The following CDH23 variants were observed in gnomAD, a reference collection of about 807,000 sequenced individuals.
The protein encoded by CDH23 is cadherin-23.
A neutral mutation model predicts 317.1 loss-of-function variants in CDH23; 189 were observed. The observed-to-expected ratio is 0.60, with a 90% CI of 0.53 to 0.67. The LOEUF (loss-of-function observed/expected upper bound fraction) is 0.67, where lower values mean the gene tolerates loss of function less well. CDH23 is among the 30% of genes least tolerant of loss of function. The pLI, the probability that CDH23 is intolerant of heterozygous loss-of-function variation, is 0.00. For missense variants in CDH23, 4,401 were observed against 4,592.4 expected (o/e 0.96, Z 1.20); for synonymous variants, 1,839 against 1,876.8 (o/e 0.98, Z 0.52).
chr10:71,708,486 G>A (rs1232065754), intron 26 of CDH23, among the ~76,000 whole-genome samples: 1 of 152,188 alleles, frequency 6.6e-6, no homozygotes, highest in East Asian at 1.9e-4. Flanking sequence ...ACCGCGAGAG[G>A]AGACCCTCAC....
chr10:71,764,910 A>G (rs370622746), intron 38 of CDH23, among the ~76,000 whole-genome samples: 1 of 152,192 alleles, frequency 6.6e-6, no homozygotes, highest in Admixed American at 6.5e-5. Flanking sequence ...CTGCTAACCC[A>G]CTGCCCTTAC....
At position 71,793,467 on chromosome 10, in the gene CDH23, C is replaced by G. The variant is rs781425553; in HGVS notation, c.6539C>G (p.Thr2180Arg). Reference protein sequence around the residue: ...SRPEFLNPIQTVSVLESAEPG... With the variant: ...SRPEFLNPIQRVSVLESAEPG... ...CCCGAGTTCCTCAACCCCATCCAGACAGTGAGCGTGCTGGAGTCGGCTGAG... is the reference window on the plus strand; with the variant it reads ...CCCGAGTTCCTCAACCCCATCCAGAGAGTGAGCGTGCTGGAGTCGGCTGAG... Residue 2180 changes from threonine (T) to arginine (R), a missense_variant, in exon 48 of 70, where the codon ACA (threonine) becomes AGA (arginine). Transcript: ENST00000224721. The G allele has an allele frequency of 1.9e-6, 3 of 1,614,026 alleles. No homozygotes were observed. The highest frequency in any genetic ancestry group is 2.2e-5 in the South Asian group (2 of 91,084).
intron 1 of CDH23, among the ~76,000 whole-genome samples, chr10:71,403,499 TTCCTTC>T (rs1847951856): frequency 7.6e-6 from 1 of 131,182 alleles, no homozygotes; most frequent in Non-Finnish European, 1.6e-5. Flanking sequence ...CCTTCCTTCC[TTCCTTC>T]CTTTCTTTCC....
chr10:71,602,391 G>A (rs1451466792), intron 9 of CDH23, among the ~76,000 whole-genome samples: 1 of 152,188 alleles, frequency 6.6e-6, no homozygotes, highest in Admixed American at 6.5e-5. Context: ...TTTGGCAAGT[G>A]AGGAAACTGA....
chr10:71,672,058 A>T (rs1437645637), intron 14 of CDH23, among the ~76,000 whole-genome samples: 1 of 151,842 alleles, frequency 6.6e-6, no homozygotes, highest in African/African-American at 2.4e-5. Context: ...GTTGGGGGAG[A>T]CGCACGTTAA....
chr10:71,680,757 AAAAAAAG>A (rs1478240778), intron 17 of CDH23, among the ~76,000 whole-genome samples: 2 of 142,470 alleles, frequency 1.4e-5, no homozygotes, highest in Non-Finnish European at 3.0e-5. Flanking sequence ...AAAAAAAAAA[AAAAAAAG>A]AAAAAGAAAT....
In CDH23 at chr10:71,732,584, G is replaced by A. The variant is rs1383789444; in HGVS notation, c.4104+209G>A. 8 of 1,330,612 alleles carry A rather than the reference G, an allele frequency of 6.0e-6. No individual in the cohort carries two copies. In the South Asian group the frequency reaches 6.2e-5, roughly 10 times the overall value. The allele number at this position is 1,330,612 out of a possible 1,614,324, so 82.4% of individuals were successfully genotyped here. The stretch of plus-strand genomic sequence containing the variant: ...GAGTTTGGAGGCTGCAGTGAGCTGC[G>A]TTTGCACCACTGCACTCCAGCCCGG... On this transcript the variant is annotated intron_variant, in intron 32 of 69. Transcript: ENST00000224721.
chr10:71,412,283 C>T (rs541775432), intron 1 of CDH23, among the ~76,000 whole-genome samples: 2 of 152,058 alleles, frequency 1.3e-5, no homozygotes, highest in Admixed American at 1.3e-4. Context: ...CTATAAATAC[C>T]TGTTTGAGTC....
intron 1 of CDH23, among the ~76,000 whole-genome samples, chr10:71,403,146 A>G (rs551532985): frequency 3.4e-4 from 51 of 151,930 alleles, no homozygotes; most frequent in Non-Finnish European, 4.1e-4. Flanking sequence ...ACAAAAAACA[A>G]CAACCAAAAA....
chr10:71,422,004 C>A (rs888002692), intron 1 of CDH23, among the ~76,000 whole-genome samples: 3 of 152,056 alleles, frequency 2.0e-5, no homozygotes, highest in African/African-American at 7.2e-5. Flanking sequence ...AGCTTCCCAC[C>A]CCTGGATGTA....
chr10:71,643,280 T>A (rs987537406), intron 11 of CDH23, among the ~76,000 whole-genome samples: 3 of 152,144 alleles, frequency 2.0e-5, no homozygotes, highest in African/African-American at 7.2e-5. Context: ...GTGGCTGCCC[T>A]GGGAGGTTTG....
chr10:71,562,553 G>A (rs560813714), intron 6 of CDH23, among the ~76,000 whole-genome samples: 1 of 152,342 alleles, frequency 6.6e-6, no homozygotes, highest in Non-Finnish European at 1.5e-5. Context: ...TGAGCCTGGG[G>A]CAGAGCCATG....
intron 69 of CDH23, among the ~76,000 whole-genome samples, chr10:71,814,492 T>C (rs2133013386): frequency 6.6e-6 from 1 of 152,338 alleles, no homozygotes; most frequent in Middle Eastern, 3.4e-3. Context: ...GTGGATCATC[T>C]GAGGTCAGGA....
At chr10:71,593,252 G>A (rs1013417967) in intron 9 of CDH23, among the ~76,000 whole-genome samples, 2 of 152,194 alleles carry the variant, frequency 1.3e-5, no homozygotes, top group Non-Finnish European at 2.9e-5. Context: ...TTAGTAGCTG[G>A]TGTTGGGAAA....
intron 6 of CDH23, among the ~76,000 whole-genome samples, chr10:71,521,147 C>T (rs75666617): frequency 0.049 from 7,388 of 151,858 alleles, 602 homozygotes; most frequent in African/African-American, 0.17. Context: ...AGATGTCACC[C>T]GGGGCATAAT....
intron 1 of CDH23, among the ~76,000 whole-genome samples, chr10:71,425,369 GGAGAAGGAAGGA>G (rs1849021008): frequency 4.8e-5 from 1 of 20,744 alleles, no homozygotes; most frequent in African/African-American, 1.8e-4. Context: ...GAAAGAGAGA[GGAGAAGGAAGGA>G]AGGAAGGAAG....
intron 11 of CDH23, among the ~76,000 whole-genome samples, chr10:71,619,531 T>TA (rs1217982249): frequency 6.6e-6 from 1 of 152,024 alleles, no homozygotes; most frequent in Non-Finnish European, 1.5e-5. Context: ...AGGAGAACCA[T>TA]AATGCCCAAG....
At chr10:71,736,031 G>A (rs947791502) in intron 34 of CDH23, among the ~76,000 whole-genome samples, 3 of 152,252 alleles carry the variant, frequency 2.0e-5, no homozygotes, top group African/African-American at 4.8e-5. Context: ...CAGGTGTTGC[G>A]AGAAGGCTGG....
rs370234529 is a variant in CDH23, at chr10:71,580,634, T to A, written c.832+2642T>A. Among the ~76,000 whole-genome samples, 57 of 152,332 alleles carry A rather than the reference T, an allele frequency of 3.7e-4. No homozygotes were observed. In the South Asian group the frequency reaches 9.7e-3, roughly 26 times the overall value. ...GATGTGGCAAGGGATAGGGCCACTG[T>A]TTGACAAATATTTGCCATCCTTGCT... On this transcript the variant is annotated intron_variant, in intron 9 of 69. Coordinates refer to ENST00000224721, the MANE Select transcript of CDH23 (RefSeq NM_022124.6).
Sources: allele counts gnomAD v4.1 joint callset (sites outside exome capture counted in the v4.1 genomes callset), GRCh38; gene constraint gnomAD v4.1.1; transcripts MANE v1.5; gene names NCBI Gene and HGNC (gene_info 2026-07-23, HGNC 2026-07-21).